Variants in L3MBTL2 observed in about 807,000 individuals in gnomAD.
L3MBTL2 encodes lethal(3)malignant brain tumor-like protein 2.
In L3MBTL2, 49 loss-of-function variants were observed where a neutral mutation model predicts 86.4. The ratio of observed to expected loss-of-function variants is 0.57; its 90% confidence interval spans 0.45 to 0.72. The LOEUF (loss-of-function observed/expected upper bound fraction) is 0.72, where lower values mean the gene tolerates loss of function less well. Among genes scored for constraint, L3MBTL2 ranks in the 30% least tolerant of loss-of-function variants. The probability of loss-of-function intolerance (pLI) is 0.00; values close to 1 mark genes in which losing one functional copy is unlikely to be tolerated. For missense variants in L3MBTL2, 755 were observed against 923.7 expected (o/e 0.82, Z 2.37); for synonymous variants, 336 against 350.6 (o/e 0.96, Z 0.47).
chr22:41,229,733 G>A, intron 16 of L3MBTL2, 77 bp downstream of exon 16: 1 of 1,610,576 alleles, frequency 6.2e-7, no homozygotes. Flanking sequence ...TTCCCCACCT[G>A]GGCACAGAAG....
Position 41,220,821 on chromosome 22 carries a change from C to T in L3MBTL2, c.806C>T (p.Pro269Leu). ...WCNLGTVDVH[P>L]IGWCAINSKI... ...AACCTGGGAACAGTGGATGTCCACC[C>T]CATTGGCTGGTGTGCCATCAACAGC... is the stretch of plus-strand genomic sequence containing the variant. Residue 269 changes from proline to leucine, a missense_variant, in exon 7 of 17, where the codon CCC becomes CTC. Physicochemically the swap from Pro to Leu is moderately conservative, Grantham distance 98. Coordinates refer to ENST00000216237, the MANE Select transcript of L3MBTL2 (RefSeq NM_031488.5). The T allele has an allele frequency of 6.2e-7, 1 of 1,614,046 alleles. No homozygotes were observed. Among genetic ancestry groups the T allele is most frequent in the Non-Finnish European group, 8.5e-7 (1 of 1,179,962 alleles).
At chr22:41,226,053 G>T in intron 12 of L3MBTL2, 112 bp downstream of exon 12, 1 of 1,179,372 alleles carries the variant, frequency 8.5e-7, no homozygotes. Context: ...GAGGCAGGTG[G>T]ATGACCTGAG....
In L3MBTL2 at chr22:41,213,873, G is replaced by A; in HGVS notation, c.263-20G>A. 8 of 1,613,830 alleles carry A rather than the reference G, an allele frequency of 5.0e-6. No individual in the cohort carries two copies. The highest frequency in any genetic ancestry group is 6.8e-6 in the Non-Finnish European group (8 of 1,179,788). On this transcript the variant is annotated intron_variant, in intron 2 of 16. Coordinates refer to ENST00000216237, the MANE Select transcript of L3MBTL2 (RefSeq NM_031488.5). ...GAGGTGGTCATATCGGGTGAGTCAT[G>A]TGCTAAGTTCTCTTCCCAGCTGTCT...
intron 4 of L3MBTL2, 197 bp from the exon 5 acceptor site, chr22:41,216,926 G>A: frequency 1.8e-6 from 1 of 549,330 alleles, no homozygotes; most frequent in Non-Finnish European, 3.3e-6. Flanking sequence ...TTTCAATTCA[G>A]TCCTCAACAG....
chr22:41,227,133 C>T lies in L3MBTL2; in HGVS notation c.1632C>T (p.Ala544=), dbSNP rs758631305. ...HGFKVGMKLE[A]VDLMEPRLIC... is the part of the protein sequence containing the mutation. ...TCAAGGTGGGCATGAAGCTGGAGGCCGTGGACCTGATGGAGCCCCGGCTCA... is the reference window on the plus strand; with the variant it reads ...TCAAGGTGGGCATGAAGCTGGAGGCTGTGGACCTGATGGAGCCCCGGCTCA... Residue 544 remains alanine, a synonymous_variant, in exon 14 of 17, where the codon GCC becomes GCT. Coordinates refer to ENST00000216237, the MANE Select transcript of L3MBTL2 (RefSeq NM_031488.5). This position sits in a 1 kb window ranked among gnomAD's most constrained non-coding sequence, Gnocchi z 6.0. 45 of 1,613,462 alleles carry T rather than the reference C, an allele frequency of 2.8e-5. No homozygotes were observed. Among genetic ancestry groups the T allele is most frequent in the Admixed American group, 1.5e-4 (9 of 59,988 alleles).
At chr22:41,226,989 C>T (rs1437159257) in intron 13 of L3MBTL2, 100 bp from the exon 14 acceptor site, 8 of 1,067,616 alleles carry the variant, frequency 7.5e-6, no homozygotes, top group African/African-American at 3.1e-5. Context: ...TTCCAGTCCC[C>T]GCCCCTCCCT....
At chr22:41,207,475 G>T (rs548851994) in intron 1 of L3MBTL2, among the ~76,000 whole-genome samples, 1 of 151,490 alleles carries the variant, frequency 6.6e-6, no homozygotes, top group Non-Finnish European at 1.5e-5. Context: ...CTCCTGTCTC[G>T]GCCTCCCAAA....
intron 3 of L3MBTL2, among the ~76,000 whole-genome samples, chr22:41,215,606 A>G (rs13058265): frequency 0.42 from 61,976 of 149,330 alleles, 13,784 homozygotes; most frequent in African/African-American, 0.56. Flanking sequence ...TTGAGTACCT[A>G]ATGAAAGCTG....
In L3MBTL2 at chr22:41,224,586, G is replaced by T. The variant is rs1393053433; in HGVS notation, c.1175-139G>T. The T allele has an allele frequency of 6.1e-6, 4 of 660,262 alleles. No homozygotes were observed. Among genetic ancestry groups the T allele is most frequent in the African/African-American group, 1.8e-5 (1 of 55,466 alleles). 40.9% of individuals were successfully genotyped at this position (660,262 alleles called of 1,614,324 possible). ...ACCTTTCTGTCTGCTACTCTGGGGT[G>T]GGGGGTCCTGAGATACAGAGATACA... On this transcript the variant is annotated intron_variant, in intron 9 of 16. Transcript: ENST00000216237. The surrounding 1 kb of genome is among the most constrained non-coding windows in gnomAD (Gnocchi z 4.9).
chr22:41,205,333 C>A lies in L3MBTL2; in HGVS notation c.-30C>A, dbSNP rs1214860331. On this transcript the variant is annotated 5_prime_UTR_variant, in exon 1 of 17. Transcript: ENST00000216237. Reference sequence around the variant, plus strand: ...GGGCAGGCCAATATGGCTTCCTGCACCTGGTGACGCTTGGCGAAACTGAGG... The same window carrying A: ...GGGCAGGCCAATATGGCTTCCTGCAACTGGTGACGCTTGGCGAAACTGAGG... 6.2e-7 allele frequency: 1 copy of A among 1,613,938 alleles called. No homozygotes were observed. The highest frequency in any genetic ancestry group is 1.3e-5 in the African/African-American group (1 of 74,932).
chr22:41,211,070 A>G (rs2030740083), intron 2 of L3MBTL2, among the ~76,000 whole-genome samples: 1 of 152,174 alleles, frequency 6.6e-6, no homozygotes, highest in Non-Finnish European at 1.5e-5. Flanking sequence ...TCTGGAAGCC[A>G]GTTGACTTTG....
In L3MBTL2 at chr22:41,230,651, T is replaced by A; in HGVS notation, c.*400T>A. 1 of 202,990 alleles carries A rather than the reference T, an allele frequency of 4.9e-6. No individual in the cohort carries two copies. The highest frequency in any genetic ancestry group is 9.9e-6 in the Non-Finnish European group (1 of 101,060). 12.6% of individuals were successfully genotyped at this position (202,990 alleles called of 1,614,324 possible). ...TACAAGACAGTGAACTCTGTCTGCC[T>A]GAACGAGCCATGTAAATTAAGTTCT... On this transcript the variant is annotated 3_prime_UTR_variant, in exon 17 of 17. Coordinates refer to ENST00000216237, the MANE Select transcript of L3MBTL2 (RefSeq NM_031488.5).
At chr22:41,213,585 C>T in intron 2 of L3MBTL2, 1 of 206,336 alleles carries the variant, frequency 4.8e-6, no homozygotes, top group Non-Finnish European at 9.8e-6. Context: ...AGCTACCATG[C>T]CTAGTTTCTT....
At chr22:41,211,312 C>A (rs1601493063) in intron 2 of L3MBTL2, among the ~76,000 whole-genome samples, 1 of 151,994 alleles carries the variant, frequency 6.6e-6, no homozygotes, top group Non-Finnish European at 1.5e-5. Context: ...GCAATCCTTC[C>A]ACCTCAGCCT....
At chr22:41,205,524 C>A in intron 1 of L3MBTL2, 138 bp downstream of exon 1, 1 of 1,045,318 alleles carries the variant, frequency 9.6e-7, no homozygotes. Flanking sequence ...TTAAACTGAG[C>A]CAGGGGCAGA....
intron 1 of L3MBTL2, among the ~76,000 whole-genome samples, chr22:41,207,063 A>G (rs187857379): frequency 8.1e-4 from 123 of 152,274 alleles, no homozygotes; most frequent in African/African-American, 2.9e-3. Context: ...GCAAGATAAA[A>G]TACGCACAAA....
chr22:41,212,022 C>T (rs1053949694), intron 2 of L3MBTL2, among the ~76,000 whole-genome samples: 3 of 151,220 alleles, frequency 2.0e-5, no homozygotes, highest in South Asian at 2.1e-4. Flanking sequence ...CTCCGCCATG[C>T]CCGGCTAATT....
In L3MBTL2 at chr22:41,230,696, G is replaced by A. The variant is rs912800651; in HGVS notation, c.*445G>A. ...AGTTCTAGAGCAGCTCTCTGAGCAG[G>A]ATAAGGTCCCCTGACAGTGAGTTGT... On this transcript the variant is annotated 3_prime_UTR_variant, in exon 17 of 17. Coordinates refer to ENST00000216237, the MANE Select transcript of L3MBTL2 (RefSeq NM_031488.5). 3.1e-5 allele frequency: 5 copies of A among 163,386 alleles called. No individual in the cohort carries two copies. In the East Asian group the frequency reaches 9.3e-4, roughly 30 times the overall value. The allele number at this position is 163,386 out of a possible 1,614,324, so 10.1% of individuals were successfully genotyped here.
intron 3 of L3MBTL2, among the ~76,000 whole-genome samples, chr22:41,214,872 G>C (rs548529572): frequency 3.2e-4 from 48 of 152,162 alleles, no homozygotes; most frequent in Non-Finnish European, 5.9e-4. Context: ...TTAGCCAGGC[G>C]TGGTGTTGTA....
Sources: gnomAD v4.1 joint callset for allele counts (sites outside exome capture counted in the v4.1 genomes callset) on GRCh38, gnomAD v4.1.1 for gene constraint, Gnocchi (gnomAD v3.1) non-coding constraint, MANE v1.5 for transcripts, NCBI Gene and HGNC (gene_info 2026-07-23, HGNC 2026-07-21) for gene names.